KCNMB2: variants seen among roughly 807,000 people sequenced by gnomAD.
KCNMB2 encodes calcium-activated potassium channel subunit beta-2.
KCNMB2 carries 9 observed loss-of-function variants against 24.5 expected under a neutral mutation model. That is an observed-to-expected ratio of 0.37 (90% CI 0.22 to 0.64). The LOEUF is 0.64. Among genes scored for constraint, KCNMB2 ranks in the 30% least tolerant of loss-of-function variants. The pLI is 0.63. For missense variants in KCNMB2, 226 were observed against 284.3 expected (o/e 0.79, Z 1.47); for synonymous variants, 109 against 104.4 (o/e 1.04, Z -0.27).
chr3:178,546,833 T>C (rs1560104673), intron 1 of KCNMB2, among the ~76,000 whole-genome samples: 2 of 152,180 alleles, frequency 1.3e-5, no homozygotes. Context: ...AGTGTTGTGA[T>C]CAAAATGGAG....
intron 1 of KCNMB2, among the ~76,000 whole-genome samples, chr3:178,614,293 A>G (rs4428206): frequency 0.22 from 19,169 of 85,836 alleles, 2,538 homozygotes; most frequent in East Asian, 0.34. Flanking sequence ...ATATATATAT[A>G]TATGTATGTA....
At chr3:178,640,209 G>C (rs1246446565) in intron 1 of KCNMB2, among the ~76,000 whole-genome samples, 1 of 152,180 alleles carries the variant, frequency 6.6e-6, no homozygotes, top group Non-Finnish European at 1.5e-5. Context: ...TCACACTGCT[G>C]TAAAGAACTA....
intron 1 of KCNMB2, among the ~76,000 whole-genome samples, chr3:178,638,602 A>G (rs2108546096): frequency 6.6e-6 from 1 of 152,336 alleles, no homozygotes; most frequent in Non-Finnish European, 1.5e-5. Flanking sequence ...TACTCACTAA[A>G]AGACACTCTT....
intron 1 of KCNMB2, among the ~76,000 whole-genome samples, chr3:178,540,395 C>A (rs1431020416): frequency 1.3e-5 from 2 of 152,240 alleles, no homozygotes; most frequent in Admixed American, 6.5e-5. Context: ...CTCTACCCAA[C>A]ACTGGTGGTC....
intron 1 of KCNMB2, among the ~76,000 whole-genome samples, chr3:178,688,534 A>G (rs1054535958): frequency 3.3e-5 from 5 of 152,184 alleles, no homozygotes; most frequent in Non-Finnish European, 4.4e-5. Flanking sequence ...TGAAGACTCC[A>G]TAACAATGCT....
At chr3:178,617,070 A>G (rs1008026215) in intron 1 of KCNMB2, among the ~76,000 whole-genome samples, 4 of 152,118 alleles carry the variant, frequency 2.6e-5, no homozygotes, top group African/African-American at 9.7e-5. Context: ...AGTGCTCTTT[A>G]AGATGATTTT....
In KCNMB2 at chr3:178,842,999, C is replaced by A; in HGVS notation, c.*62C>A. ...AAATACTGTTTTCTTTCATTCTTCA[C>A]CAAAGAACCTTAAGTTTGTAACGTG... On this transcript the variant is annotated 3_prime_UTR_variant, in exon 5 of 5. Transcript: ENST00000452583. The A allele has an allele frequency of 7.2e-7, 1 of 1,390,870 alleles. No individual in the cohort carries two copies. The highest frequency in any genetic ancestry group is 9.9e-7 in the Non-Finnish European group (1 of 1,011,940). The allele number at this position is 1,390,870 out of a possible 1,614,324, so 86.2% of individuals were successfully genotyped here. A position where few individuals can be genotyped will look rare whatever the true frequency, so the allele number is the denominator to read the frequency against.
intron 1 of KCNMB2, among the ~76,000 whole-genome samples, chr3:178,593,319 C>A (rs182744029): frequency 8.4e-4 from 128 of 152,020 alleles, no homozygotes; most frequent in Non-Finnish European, 1.7e-3. Flanking sequence ...AATAAGCAAA[C>A]CAGTAAGAAG....
At chr3:178,643,936 A>T (rs989753004) in intron 1 of KCNMB2, among the ~76,000 whole-genome samples, 1 of 152,234 alleles carries the variant, frequency 6.6e-6, no homozygotes, top group Non-Finnish European at 1.5e-5. Context: ...ATATAGAGGC[A>T]TATGCCAGTC....
intron 1 of KCNMB2, among the ~76,000 whole-genome samples, chr3:178,579,039 A>G (rs898918588): frequency 6.6e-6 from 1 of 152,220 alleles, no homozygotes; most frequent in African/African-American, 2.4e-5. Context: ...AGACATCAAC[A>G]GAACTCTCCA....
At chr3:178,615,290 A>G (rs1175697153) in intron 1 of KCNMB2, among the ~76,000 whole-genome samples, 1 of 151,882 alleles carries the variant, frequency 6.6e-6, no homozygotes, top group East Asian at 1.9e-4. Flanking sequence ...GCCTATGTTC[A>G]CTCAAGTCTC....
At chr3:178,604,717 A>G (rs1430011075) in intron 1 of KCNMB2, among the ~76,000 whole-genome samples, 2 of 152,226 alleles carry the variant, frequency 1.3e-5, no homozygotes, top group Non-Finnish European at 2.9e-5. Context: ...CATCTGATTT[A>G]TTAGTGACTA....
chr3:178,559,426 C>T (rs951247803), intron 1 of KCNMB2, among the ~76,000 whole-genome samples: 1 of 151,628 alleles, frequency 6.6e-6, no homozygotes, highest in African/African-American at 2.4e-5. Context: ...TGAGAATTTT[C>T]TTGTATTTGA....
chr3:178,684,516 A>G (rs766789746), intron 1 of KCNMB2, among the ~76,000 whole-genome samples: 9 of 152,160 alleles, frequency 5.9e-5, no homozygotes, highest in Non-Finnish European at 1.0e-4. Context: ...AACAAAAAAA[A>G]TGGGTAATTA....
intron 1 of KCNMB2, among the ~76,000 whole-genome samples, chr3:178,662,754 ATATAAT>A (rs894398824): frequency 6.6e-6 from 1 of 152,144 alleles, no homozygotes; most frequent in Admixed American, 6.6e-5. Flanking sequence ...CTGATATAAA[ATATAAT>A]TATAACTAAT....
intron 1 of KCNMB2, among the ~76,000 whole-genome samples, chr3:178,616,516 C>T (rs1718711467): frequency 6.6e-6 from 1 of 152,226 alleles, no homozygotes; most frequent in Non-Finnish European, 1.5e-5. Context: ...GAGACACTCT[C>T]TGCACCAAGC....
chr3:178,721,015 T>C (rs1426255150), intron 1 of KCNMB2, among the ~76,000 whole-genome samples: 1 of 151,926 alleles, frequency 6.6e-6, no homozygotes, highest in African/African-American at 2.4e-5. Flanking sequence ...TTTGTTGCCA[T>C]TGCTTTTGGT....
chr3:178,808,878 G>C (rs1431665493), intron 2 of KCNMB2, among the ~76,000 whole-genome samples: 1 of 151,904 alleles, frequency 6.6e-6, no homozygotes, highest in Non-Finnish European at 1.5e-5. Flanking sequence ...CTTAATTATG[G>C]AAAAAATAAT....
At chr3:178,677,151 T>C (rs1721097524) in intron 1 of KCNMB2, among the ~76,000 whole-genome samples, 1 of 152,114 alleles carries the variant, frequency 6.6e-6, no homozygotes, top group Admixed American at 6.5e-5. Flanking sequence ...TTAATATAAG[T>C]AAAACCAGCT....
Sources: allele counts gnomAD v4.1 joint callset (sites outside exome capture counted in the v4.1 genomes callset), GRCh38; gene constraint gnomAD v4.1.1; transcripts MANE v1.5; gene names NCBI Gene and HGNC (gene_info 2026-07-23, HGNC 2026-07-21).